Variants in URI1 observed in about 807,000 individuals in gnomAD.
URI1 encodes the protein URI1 prefoldin like chaperone.
In URI1, 39 loss-of-function variants were observed where a neutral mutation model predicts 60.2. The observed-to-expected ratio is 0.65, with a 90% CI of 0.50 to 0.85. The LOEUF is 0.85. URI1 is among the 40% of genes least tolerant of loss of function. URI1 has a pLI of 0.00. For synonymous variants in URI1, 251 were observed against 236.8 expected (o/e 1.06, Z -0.55); for missense variants, 691 against 665.9 (o/e 1.04, Z -0.42).
chr19:29,940,253 T>C (rs1181109433), upstream of URI1, among the ~76,000 whole-genome samples: 1 of 151,910 alleles, frequency 6.6e-6, no homozygotes, highest in Non-Finnish European at 1.5e-5. Flanking sequence ...AGTGTCTAGG[T>C]GGTCTGGGGG....
At chr19:29,973,786 A>T (rs1371843579) in intron 2 of URI1, among the ~76,000 whole-genome samples, 1 of 152,202 alleles carries the variant, frequency 6.6e-6, no homozygotes, top group East Asian at 1.9e-4. Context: ...AATAACAGAT[A>T]AAAAGGAAAG....
chr19:29,982,976 C>G (rs536516230), intron 2 of URI1, among the ~76,000 whole-genome samples: 7 of 152,224 alleles, frequency 4.6e-5, no homozygotes, highest in African/African-American at 1.4e-4. Flanking sequence ...GCATGTAGAG[C>G]TTGGGATTCA....
chr19:29,978,767 A>G (rs772488777), intron 2 of URI1, among the ~76,000 whole-genome samples: 65 of 152,186 alleles, frequency 4.3e-4, no homozygotes, highest in South Asian at 8.3e-4. Flanking sequence ...TTACTAATTC[A>G]TATTGAACTC....
chr19:29,992,652 A>G (rs2055761198), intron 4 of URI1, among the ~76,000 whole-genome samples: 1 of 152,232 alleles, frequency 6.6e-6, no homozygotes, highest in Non-Finnish European at 1.5e-5. Flanking sequence ...CGTGAACTTA[A>G]AAGTTTTACT....
In URI1 at chr19:29,985,449, A is replaced by G. The variant is rs938391135; in HGVS notation, c.231+148A>G. ...TTGTTTTGTTTTACTTTATAAGAAC[A>G]CAGTAATTGTAGTAATTGTTGGTAT... On this transcript the variant is annotated intron_variant, in intron 3 of 10. Transcript: ENST00000392271. 11 of 557,492 alleles carry G rather than the reference A, an allele frequency of 2.0e-5. No homozygotes were observed. The African/African-American group carries it at 2.1e-4, about 11-fold the overall frequency. 34.5% of individuals were successfully genotyped at this position (557,492 alleles called of 1,614,324 possible).
At chr19:29,966,254 C>G (rs1454645947) in intron 1 of URI1, among the ~76,000 whole-genome samples, 1 of 151,986 alleles carries the variant, frequency 6.6e-6, no homozygotes, top group Non-Finnish European at 1.5e-5. Flanking sequence ...TCAAGCAATT[C>G]AAGCTACCTG....
At chr19:29,976,846 CTT>C (rs1038326132) in intron 2 of URI1, among the ~76,000 whole-genome samples, 42 of 152,092 alleles carry the variant, frequency 2.8e-4, no homozygotes, top group African/African-American at 8.0e-4. Context: ...ATGAAACAGA[CTT>C]AAATATAGAA....
At chr19:30,013,211 A>T (rs1256505293) in intron 10 of URI1, among the ~76,000 whole-genome samples, 6 of 152,216 alleles carry the variant, frequency 3.9e-5, no homozygotes, top group Non-Finnish European at 8.8e-5. Context: ...TCAATTTAAA[A>T]AGTATTTAGG....
At chr19:29,959,419 G>C (rs1223379335) in intron 1 of URI1, among the ~76,000 whole-genome samples, 1 of 152,202 alleles carries the variant, frequency 6.6e-6, no homozygotes, top group Non-Finnish European at 1.5e-5. Context: ...GTCAGCCACT[G>C]TGCCTGGCTC....
chr19:29,964,063 G>T (rs903735269), intron 1 of URI1, among the ~76,000 whole-genome samples: 1 of 152,040 alleles, frequency 6.6e-6, no homozygotes, highest in African/African-American at 2.4e-5. Flanking sequence ...GTCAGACTGC[G>T]CAAGTTCTGC....
intron 1 of URI1, chr19:29,956,952 G>T (rs1213072172): frequency 7.3e-6 from 7 of 961,380 alleles, no homozygotes; most frequent in African/African-American, 1.6e-5. Flanking sequence ...ACATTTTCTG[G>T]AATGTCAACA....
intron 1 of URI1, among the ~76,000 whole-genome samples, chr19:29,957,674 A>G (rs2055266828): frequency 6.6e-6 from 1 of 152,094 alleles, no homozygotes; most frequent in Non-Finnish European, 1.5e-5. Context: ...AAATAACATT[A>G]CTGGGGTTTT....
chr19:29,952,236 G>C (rs1369736560), intron 1 of URI1, among the ~76,000 whole-genome samples: 1 of 152,190 alleles, frequency 6.6e-6, no homozygotes, highest in Non-Finnish European at 1.5e-5. Context: ...AAACACAGCA[G>C]TTCTCTTTAT....
At chr19:29,979,286 A>G (rs2145352202) in intron 2 of URI1, among the ~76,000 whole-genome samples, 1 of 152,304 alleles carries the variant, frequency 6.6e-6, no homozygotes, top group Admixed American at 6.5e-5. Context: ...AAAAAGAACA[A>G]AAATTACATA....
chr19:29,977,700 T>A (rs945205540), intron 2 of URI1, among the ~76,000 whole-genome samples: 1 of 152,002 alleles, frequency 6.6e-6, no homozygotes, highest in African/African-American at 2.4e-5. Context: ...ATATGTCAAA[T>A]CTTGTCATTA....
chr19:29,951,779 C>G (rs1417449629), intron 1 of URI1, among the ~76,000 whole-genome samples: 1 of 152,120 alleles, frequency 6.6e-6, no homozygotes, highest in Admixed American at 6.5e-5. Flanking sequence ...ATCTCCTGAC[C>G]TCAGGTGATC....
chr19:29,969,202 T>C (rs2055428073), intron 1 of URI1, among the ~76,000 whole-genome samples: 1 of 152,170 alleles, frequency 6.6e-6, no homozygotes, highest in Non-Finnish European at 1.5e-5. Context: ...AGCATTTTGG[T>C]AGTGAAAATT....
rs1288965164 is a variant in URI1, at chr19:29,971,216, A to G, written c.141A>G (p.Arg47=). 6.2e-7 allele frequency: 1 copy of G among 1,613,190 alleles called. No homozygotes were observed. Among genetic ancestry groups the G allele is most frequent in the Non-Finnish European group, 8.5e-7 (1 of 1,179,464 alleles). ...QEKVVTNCQE[R]IQHWKKVDND... ...AGGTGGTCACTAACTGCCAAGAGAG[A>G]ATCCAGCATTGGTGAGTGAAAGATG... Residue 47 remains arginine, a synonymous_variant, in exon 2 of 11, where the codon AGA becomes AGG. Transcript: ENST00000392271.
chr19:30,016,482 C>G lies in URI1; in HGVS notation c.*1413C>G, dbSNP rs1218063704. Reference sequence around the variant, plus strand: ...ACAAAGATGCTCCCGTTAGGAATTGCTATTCACATGAGGCTTTCTGTGCTA... The same window carrying G: ...ACAAAGATGCTCCCGTTAGGAATTGGTATTCACATGAGGCTTTCTGTGCTA... On this transcript the variant is annotated 3_prime_UTR_variant, in exon 11 of 11. Transcript: ENST00000392271. The G allele has an allele frequency of 6.6e-6, 1 of 152,130 alleles. No homozygotes were observed. Among genetic ancestry groups the G allele is most frequent in the Admixed American group, 6.5e-5 (1 of 15,278 alleles). The allele number at this position is 152,130 out of a possible 1,614,324, so 9.4% of individuals were successfully genotyped here.
Sources: allele counts gnomAD v4.1 joint callset (sites outside exome capture counted in the v4.1 genomes callset), GRCh38; gene constraint gnomAD v4.1.1; transcripts MANE v1.5; gene names NCBI Gene and HGNC (gene_info 2026-07-23, HGNC 2026-07-21).